The following TXK variants were observed in gnomAD, a reference collection of about 807,000 sequenced individuals.
TXK encodes TXK tyrosine kinase.
In TXK, 60 loss-of-function variants were observed where a neutral mutation model predicts 81.0. The ratio of observed to expected loss-of-function variants is 0.74; its 90% CI spans 0.60 to 0.92. The LOEUF is 0.92. TXK is among the 40% of genes least tolerant of loss of function. The probability of loss-of-function intolerance (pLI) is 0.00; values close to 1 mark genes in which losing one functional copy is unlikely to be tolerated. For missense variants in TXK, 581 were observed against 638.3 expected, an observed-to-expected ratio of 0.91 and a Z score of 0.97; for synonymous variants, 203 against 210.7, an observed-to-expected ratio of 0.96 and a Z score of 0.32.
intron 5 of TXK, 138 bp downstream of exon 5, chr4:48,110,399 AG>A: frequency 1.6e-6 from 1 of 625,008 alleles, no homozygotes; most frequent in South Asian, 1.9e-5. Context: ...AACCATGATA[AG>A]GATCAAACGT....
intron 1 of TXK, among the ~76,000 whole-genome samples, chr4:48,115,613 G>A (rs1391981682): frequency 2.6e-5 from 4 of 152,126 alleles, no homozygotes; most frequent in East Asian, 1.9e-4. Flanking sequence ...TTGGGAGGCC[G>A]AAGCAGGCAG....
intron 1 of TXK, among the ~76,000 whole-genome samples, chr4:48,117,230 T>A (rs1718837832): frequency 6.6e-6 from 1 of 152,180 alleles, no homozygotes; most frequent in South Asian, 2.1e-4. Context: ...CCATTATCCA[T>A]TCCATTTCCC....
chr4:48,112,178 T>C, intron 4 of TXK, 129 bp downstream of exon 4: 1 of 850,866 alleles, frequency 1.2e-6, no homozygotes. Flanking sequence ...TCTCATTCTC[T>C]CACACATCCT....
intron 6 of TXK, among the ~76,000 whole-genome samples, chr4:48,099,679 A>T (rs1256612717): frequency 1.3e-5 from 2 of 152,208 alleles, no homozygotes; most frequent in Non-Finnish European, 2.9e-5. Flanking sequence ...TCTGTACTTA[A>T]AACAGTGTAG....
chr4:48,114,184 A>G (rs1242070665), intron 2 of TXK, among the ~76,000 whole-genome samples, 164 bp downstream of exon 2: 3 of 152,244 alleles, frequency 2.0e-5, no homozygotes, highest in Non-Finnish European at 4.4e-5. Flanking sequence ...ATGACCTGAC[A>G]TTTGACCTAG....
chr4:48,071,795 C>T, intron 13 of TXK, 121 bp from the exon 14 acceptor site: 1 of 1,102,790 alleles, frequency 9.1e-7, no homozygotes, highest in South Asian at 1.5e-5. Context: ...TATAACCATC[C>T]TGAATAACAG....
intron 1 of TXK, among the ~76,000 whole-genome samples, chr4:48,132,132 C>A (rs1719263015): frequency 6.6e-6 from 1 of 150,934 alleles, no homozygotes. Flanking sequence ...AAATTACAAT[C>A]AATTTTTCCT....
chr4:48,121,896 G>A (rs2109482099), intron 1 of TXK, among the ~76,000 whole-genome samples: 1 of 152,126 alleles, frequency 6.6e-6, no homozygotes. Context: ...TAATGTTGCT[G>A]AACTGTACAC....
At chr4:48,127,861 GTCC>G (rs1719131087) in intron 1 of TXK, among the ~76,000 whole-genome samples, 1 of 152,130 alleles carries the variant, frequency 6.6e-6, no homozygotes, top group Admixed American at 6.5e-5. Context: ...GCGCCCCTCT[GTCC>G]TCTAGGAGAG....
intron 8 of TXK, 90 bp downstream of exon 8, chr4:48,093,987 T>G: frequency 6.6e-7 from 1 of 1,506,500 alleles, no homozygotes; most frequent in South Asian, 1.1e-5. Flanking sequence ...TATAGGGAGA[T>G]TTGCTCCTGT....
At chr4:48,099,149 T>A (rs1718091426) in intron 6 of TXK, among the ~76,000 whole-genome samples, 1 of 152,150 alleles carries the variant, frequency 6.6e-6, no homozygotes, top group African/African-American at 2.4e-5. Context: ...ACTGAAAACC[T>A]ACTACATAAA....
chr4:48,110,643 T>G, intron 4 of TXK, 40 bp from the exon 5 acceptor site: 1 of 1,499,894 alleles, frequency 6.7e-7, no homozygotes, highest in Non-Finnish European at 9.3e-7. Flanking sequence ...ATGCTTGGCA[T>G]GTTTGTGGCA....
intron 10 of TXK, among the ~76,000 whole-genome samples, chr4:48,082,717 T>A (rs1188441220): frequency 6.6e-6 from 1 of 152,022 alleles, no homozygotes; most frequent in Non-Finnish European, 1.5e-5. Flanking sequence ...ACGCCCCCTA[T>A]CCTGTACCCA....
chr4:48,114,225 G>GA, intron 2 of TXK, 123 bp downstream of exon 2: 1 of 944,054 alleles, frequency 1.1e-6, no homozygotes, highest in Non-Finnish European at 1.6e-6. Context: ...TCCACAGGGA[G>GA]AAAATGGGAG....
At chr4:48,088,029 G>A (rs1717602862) in intron 9 of TXK, among the ~76,000 whole-genome samples, 1 of 152,102 alleles carries the variant, frequency 6.6e-6, no homozygotes, top group African/African-American at 2.4e-5. Context: ...ATTCTCTTAT[G>A]AAGAGAATAT....
chr4:48,076,991 G>T (rs1193051415), intron 11 of TXK, among the ~76,000 whole-genome samples: 1 of 152,050 alleles, frequency 6.6e-6, no homozygotes, highest in East Asian at 1.9e-4. Context: ...TAAAAATAGT[G>T]TATTTTTTTT....
intron 9 of TXK, among the ~76,000 whole-genome samples, chr4:48,088,372 A>T (rs1464991021): frequency 1.3e-5 from 2 of 152,222 alleles, no homozygotes; most frequent in Non-Finnish European, 2.9e-5. Flanking sequence ...ACACACAAAA[A>T]TGTTCTTAAC....
Position 48,067,496 on chromosome 4 carries a change from A to G in TXK, c.*141T>C, listed in dbSNP as rs1183382207. 1 of 865,696 alleles carries G rather than the reference A, an allele frequency of 1.2e-6. No individual in the cohort carries two copies. Among genetic ancestry groups the G allele is most frequent in the Non-Finnish European group, 1.8e-6 (1 of 547,830 alleles). The allele number at this position is 865,696 out of a possible 1,614,324, so 53.6% of individuals were successfully genotyped here. Reference sequence around the variant, plus strand: ...ATTCTTAAATTTTTAAAACTTTTAAAAACTGTGATCTTTGCACTGTTTTCA... The same window carrying G: ...ATTCTTAAATTTTTAAAACTTTTAAGAACTGTGATCTTTGCACTGTTTTCA... On this transcript the variant is annotated 3_prime_UTR_variant, in exon 15 of 15. Coordinates refer to ENST00000264316, the MANE Select transcript of TXK (RefSeq NM_003328.3).
chr4:48,099,777 A>C (rs1458625661), intron 6 of TXK, among the ~76,000 whole-genome samples: 2 of 152,186 alleles, frequency 1.3e-5, no homozygotes, highest in Non-Finnish European at 2.9e-5. Flanking sequence ...TGACAGTGGT[A>C]TCTCAAATCA....
Sources: gnomAD v4.1 joint callset for allele counts (sites outside exome capture counted in the v4.1 genomes callset) on GRCh38, gnomAD v4.1.1 for gene constraint, MANE v1.5 for transcripts, NCBI Gene and HGNC (gene_info 2026-07-23, HGNC 2026-07-21) for gene names.